ASMT: variants seen among roughly 807,000 people sequenced by gnomAD.
ASMT encodes acetylserotonin N-methyltransferase.
ASMT carries 53 observed loss-of-function variants against 41.3 expected under a neutral mutation model. That is an observed-to-expected ratio of 1.28 (90% CI 1.03 to 1.61). The LOEUF (loss-of-function observed/expected upper bound fraction) is 1.61, where lower values mean the gene tolerates loss of function less well. Ranked by LOEUF, ASMT falls within the 40% of genes most tolerant of loss-of-function variation. The pLI is 0.00. For missense variants in ASMT, 531 were observed against 441.3 expected, an observed-to-expected ratio of 1.20 and a Z score of -1.82; for synonymous variants, 231 against 184.8, an observed-to-expected ratio of 1.25 and a Z score of -2.03.
chrX:1,631,839 G>A (rs1456820423), intron 5 of ASMT, among the ~76,000 whole-genome samples: 1 of 152,102 alleles, frequency 6.6e-6, no homozygotes, highest in Non-Finnish European at 1.5e-5. Flanking sequence ...CCCAAGGTCA[G>A]GAGTTTGAGA....
At chrX:1,621,776 A>G (rs1186421027) in intron 1 of ASMT, among the ~76,000 whole-genome samples, 1 of 151,528 alleles carries the variant, frequency 6.6e-6, no homozygotes, top group Admixed American at 6.6e-5. Flanking sequence ...GCTCACCACA[A>G]CCTCTGCCTC....
chrX:1,623,186 G>A lies in ASMT; in HGVS notation c.117G>A (p.Glu39=). 4 of 1,613,294 alleles carry A rather than the reference G, an allele frequency of 2.5e-6. No homozygotes were observed. The highest frequency in any genetic ancestry group is 3.4e-6 in the Non-Finnish European group (4 of 1,179,856). The change falls in exon 2 of 9, where the codon GAG becomes GAA. Residue 39 remains glutamate, a synonymous_variant. Coordinates refer to ENST00000381241, the MANE Select transcript of ASMT (RefSeq NM_001171038.2). ...TGGGCGTGTTTGACCTTCTCGCCGA[G>A]GCCCCAGGGCCCCTGGACGTGGCGG... ...CELGVFDLLA[E]APGPLDVAAV...
chrX:1,629,111 T>G (rs1363858842), intron 4 of ASMT, among the ~76,000 whole-genome samples: 1 of 151,876 alleles, frequency 6.6e-6, no homozygotes, highest in Non-Finnish European at 1.5e-5. Context: ...TGTATACATG[T>G]GTATGTGTAT....
chrX:1,631,194 A>G (rs1441078221), intron 5 of ASMT, among the ~76,000 whole-genome samples: 6 of 151,318 alleles, frequency 4.0e-5, no homozygotes, highest in South Asian at 2.1e-4. Context: ...GATTGCAGGC[A>G]TGAGCCACTG....
chrX:1,623,676 T>C (rs868631057), intron 2 of ASMT, among the ~76,000 whole-genome samples: 15 of 152,056 alleles, frequency 9.9e-5, no homozygotes, highest in Admixed American at 5.2e-4. Context: ...GCTGCCAGAG[T>C]GTGAGACCCA....
chrX:1,629,720 G>C (rs182475316), intron 4 of ASMT, 101 bp from the exon 5 acceptor site: 4 of 1,064,660 alleles, frequency 3.8e-6, no homozygotes, highest in South Asian at 2.5e-5. Flanking sequence ...AGGTGCACCT[G>C]TGGGGTATAG....
Position 1,629,903 on chromosome X carries a change from G to T in ASMT, c.526G>T (p.Asp176Tyr). ...VNGRSVLTAF[D>Y]LSVFPLMCDL... Reference sequence around the variant, plus strand: ...CGGGAGAAGCGTGCTGACCGCCTTTGACCTGTCAGTGTTCCCACTTATGTG... The same window carrying T: ...CGGGAGAAGCGTGCTGACCGCCTTTTACCTGTCAGTGTTCCCACTTATGTG... The change falls in exon 5 of 9, where the codon GAC (aspartate) becomes TAC (tyrosine). Residue 176 changes from aspartate (D) to tyrosine (Y), a missense_variant. Physicochemically the swap from Asp to Tyr is radical, Grantham distance 160. Transcript: ENST00000381241. 6.2e-7 allele frequency: 1 copy of T among 1,613,962 alleles called. No homozygotes were observed. The highest frequency in any genetic ancestry group is 1.1e-5 in the South Asian group (1 of 91,080).
chrX:1,635,863 A>C (rs1162068964), intron 7 of ASMT, among the ~76,000 whole-genome samples: 2 of 150,144 alleles, frequency 1.3e-5, no homozygotes, highest in Non-Finnish European at 2.9e-5. Context: ...ACTCCATCTC[A>C]AACAAACAAA....
Position 1,615,225 on chromosome X carries a change from A to G in ASMT, c.26A>G (p.Tyr9Cys). 3.8e-6 allele frequency: 6 copies of G among 1,598,680 alleles called. No individual in the cohort carries two copies. The highest frequency in any genetic ancestry group is 5.1e-6 in the Non-Finnish European group (6 of 1,172,806). MGSSEDQA[Y>C]RLLNDYANGF... ...ATGGGATCCTCAGAGGACCAGGCCT[A>G]TCGCCTCCTTAATGACTACGCCAAC... is the stretch of plus-strand genomic sequence containing the variant. The change falls in exon 1 of 9, where the codon TAT (tyrosine) becomes TGT (cysteine). Residue 9 changes from tyrosine (Y) to cysteine (C), a missense_variant. Transcript: ENST00000381241.
At chrX:1,633,344 G>C in intron 7 of ASMT, 54 bp downstream of exon 7, 1 of 1,610,260 alleles carries the variant, frequency 6.2e-7, no homozygotes, top group Middle Eastern at 1.7e-4. Flanking sequence ...TCTCCAGGGG[G>C]ACTGGATGTT....
intron 1 of ASMT, among the ~76,000 whole-genome samples, chrX:1,619,787 G>A (rs1320844663): frequency 1.3e-5 from 2 of 151,324 alleles, no homozygotes; most frequent in Admixed American, 6.6e-5. Flanking sequence ...AAAACAGAAC[G>A]CTAATTTAAA....
intron 1 of ASMT, among the ~76,000 whole-genome samples, chrX:1,616,503 G>A (rs1466611173): frequency 2.6e-5 from 4 of 151,308 alleles, no homozygotes; most frequent in African/African-American, 9.7e-5. Flanking sequence ...TGATGCAAAT[G>A]TTCTGGAACC....
chrX:1,627,865 A>G, intron 4 of ASMT, 94 bp downstream of exon 4: 1 of 1,162,988 alleles, frequency 8.6e-7, no homozygotes, highest in South Asian at 1.2e-5. Context: ...CAAATGGCAC[A>G]ACCCAGGAGG....
intron 1 of ASMT, among the ~76,000 whole-genome samples, chrX:1,622,191 C>T (rs1713566432): frequency 6.6e-6 from 1 of 151,732 alleles, no homozygotes; most frequent in African/African-American, 2.4e-5. Flanking sequence ...GGAGTTTCAC[C>T]ATGTTGGCCA....
At position 1,643,045 on chromosome X, in the gene ASMT, A is replaced by C; in HGVS notation, c.*31A>C. On this transcript the variant is annotated 3_prime_UTR_variant, in exon 9 of 9. Coordinates refer to ENST00000381241, the MANE Select transcript of ASMT (RefSeq NM_001171038.2). ...TCTTGTGACCTGGAACTAACGTCAA[A>C]GCACACAAGACATAATAATAAAGAC... 6.2e-7 allele frequency: 1 copy of C among 1,604,566 alleles called. No individual in the cohort carries two copies. The highest frequency in any genetic ancestry group is 1.3e-5 in the African/African-American group (1 of 74,846).
intron 7 of ASMT, among the ~76,000 whole-genome samples, chrX:1,635,772 G>A (rs1409724740): frequency 6.6e-6 from 1 of 151,752 alleles, no homozygotes; most frequent in African/African-American, 2.4e-5. Context: ...TGAGGCAGGA[G>A]AATCGCTTGA....
At chrX:1,626,207 T>A (rs1370423898) in intron 3 of ASMT, among the ~76,000 whole-genome samples, 26 of 150,586 alleles carry the variant, frequency 1.7e-4, no homozygotes, top group African/African-American at 6.3e-4. Flanking sequence ...AAAGAGAACA[T>A]GTTTGGGGCT....
chrX:1,641,802 G>A (rs1289444339), intron 8 of ASMT, among the ~76,000 whole-genome samples: 1 of 148,946 alleles, frequency 6.7e-6, no homozygotes, highest in Non-Finnish European at 1.5e-5. Context: ...CAGCTCTCCT[G>A]TGAGGTCCAC....
intron 7 of ASMT, among the ~76,000 whole-genome samples, chrX:1,636,056 T>C (rs35956034): frequency 0.069 from 10,314 of 149,336 alleles, 464 homozygotes; most frequent in Non-Finnish European, 0.094. Context: ...CCCGGGTTCA[T>C]GCCATTCTCC....
Sources: allele counts gnomAD v4.1 joint callset (sites outside exome capture counted in the v4.1 genomes callset), GRCh38; gene constraint gnomAD v4.1.1; transcripts MANE v1.5; gene names NCBI Gene and HGNC (gene_info 2026-07-23, HGNC 2026-07-21).